Variants in OVOL3 observed in about 807,000 individuals in gnomAD.
OVOL3 encodes the protein putative transcription factor ovo-like protein 3.
In OVOL3, 15 loss-of-function variants were observed where a neutral mutation model predicts 13.6. The ratio of observed to expected loss-of-function variants is 1.11; its 90% CI spans 0.74 to 1.70. The LOEUF (loss-of-function observed/expected upper bound fraction) is 1.70. OVOL3 is among the 40% of genes most tolerant of loss of function. OVOL3 has a pLI of 0.00. For missense variants in OVOL3, 290 were observed against 280.6 expected (o/e 1.03, Z -0.24); for synonymous variants, 102 against 108.5 (o/e 0.94, Z 0.37).
At chr19:36,113,317 G>A in intron 3 of OVOL3, 136 bp from the exon 4 acceptor site, 1 of 912,180 alleles carries the variant, frequency 1.1e-6, no homozygotes, top group Non-Finnish European at 1.7e-6. Context: ...CAGATGGTGG[G>A]TCATGGGCGG....
At chr19:36,112,146 C>A (rs1973836326) in intron 2 of OVOL3, among the ~76,000 whole-genome samples, 2 of 152,012 alleles carry the variant, frequency 1.3e-5, no homozygotes, top group Non-Finnish European at 2.9e-5. Flanking sequence ...GCAGAGGATG[C>A]AGTGAGCCGA....
chr19:36,113,517 TC>T lies in OVOL3; in HGVS notation c.430del (p.His144ThrfsTer?). 1 of 1,536,160 alleles carries T rather than the reference TC, an allele frequency of 6.5e-7. No homozygotes were observed. Among genetic ancestry groups the T allele is most frequent in the Non-Finnish European group, 8.7e-7 (1 of 1,146,874 alleles). On this transcript the variant is annotated frameshift_variant, in exon 4 of 4. Coordinates refer to ENST00000633214, the MANE Select transcript of OVOL3 (RefSeq NM_001302757.2). LOFTEE classifies it high-confidence loss of function. Reference sequence around the variant, plus strand: ...TTACGCAGCGCTGCTCCCTGGAAGCTCACCTTGCTAAGGTGCATGGACAGCC... The same window carrying T: ...TTACGCAGCGCTGCTCCCTGGAAGCTACCTTGCTAAGGTGCATGGACAGCC... ...AFTQRCSLEA[H>X]LAKVHGQPAS...
chr19:36,113,378 G>C, intron 3 of OVOL3, 75 bp from the exon 4 acceptor site: 1 of 1,419,992 alleles, frequency 7.0e-7, no homozygotes, highest in Non-Finnish European at 9.6e-7. Flanking sequence ...ACACTGGAAA[G>C]CAGGGTGGGG....
intron 2 of OVOL3, 85 bp downstream of exon 2, chr19:36,111,518 C>A: frequency 7.2e-7 from 1 of 1,379,480 alleles, no homozygotes; most frequent in Non-Finnish European, 1.0e-6. Context: ...CCTTGCTCCC[C>A]CGACCCATCT....
Position 36,112,769 on chromosome 19 carries a change from C to T in OVOL3, c.169C>T (p.Gln57Ter). 1 of 1,533,918 alleles carries T rather than the reference C, an allele frequency of 6.5e-7. No individual in the cohort carries two copies. The highest frequency in any genetic ancestry group is 1.2e-5 in the South Asian group (1 of 83,964). Reference sequence around the variant, plus strand: ...TCCTGCATCCCTCCAGCAGCCCACACAGGGCAACCTGACCTCTGCTCCCAG... The same window carrying T: ...TCCTGCATCCCTCCAGCAGCCCACATAGGGCAACCTGACCTCTGCTCCCAG... ...VRDPWTAQPT[Q>*]GNLTSAPRGP... The change falls in exon 3 of 4, where the codon CAG (glutamine) becomes TAG (stop). Residue 57 changes from glutamine (Q) to a stop codon, truncating the protein, a stop_gained. Transcript: ENST00000633214. LOFTEE classifies it high-confidence loss of function.
At chr19:36,112,318 A>T (rs1460650251) in intron 2 of OVOL3, among the ~76,000 whole-genome samples, 1 of 152,022 alleles carries the variant, frequency 6.6e-6, no homozygotes, top group African/African-American at 2.4e-5. Context: ...TCAGGAATTC[A>T]AGACCAGCCT....
intron 2 of OVOL3, among the ~76,000 whole-genome samples, chr19:36,112,323 C>G (rs1310979942): frequency 6.6e-6 from 1 of 152,116 alleles, no homozygotes; most frequent in Non-Finnish European, 1.5e-5. Flanking sequence ...AATTCAAGAC[C>G]AGCCTGGCCA....
chr19:36,113,187 A>G (rs1004858966), intron 3 of OVOL3, among the ~76,000 whole-genome samples: 9 of 152,140 alleles, frequency 5.9e-5, no homozygotes, highest in Non-Finnish European at 1.2e-4. Flanking sequence ...TATACGATTC[A>G]GGCTCCAGAT....
intron 2 of OVOL3, among the ~76,000 whole-genome samples, 167 bp from the exon 3 acceptor site, chr19:36,112,593 G>A (rs1973849661): frequency 6.6e-6 from 1 of 152,154 alleles, no homozygotes; most frequent in South Asian, 2.1e-4. Context: ...ATGGGATAGT[G>A]AGGGAAGGCC....
rs536753554 is a variant in OVOL3 at position 36,112,241 on chromosome 19, C to T, written c.160-519C>T. On this transcript the variant is annotated intron_variant, in intron 2 of 3. Transcript: ENST00000633214. The stretch of plus-strand genomic sequence containing the variant: ...AAACAATAAAATTAGAAAAATAGAC[C>T]GGGCATAGTGGCTCATGCCTGTAAT... Among the ~76,000 whole-genome samples, 6 of 151,542 alleles carry T rather than the reference C, an allele frequency of 4.0e-5. No individual in the cohort carries two copies. In the South Asian group the frequency reaches 1.3e-3, roughly 32 times the overall value.
At chr19:36,112,571 AAAGT>A (rs1459366318) in intron 2 of OVOL3, among the ~76,000 whole-genome samples, 185 bp from the exon 3 acceptor site, 1 of 152,048 alleles carries the variant, frequency 6.6e-6, no homozygotes, top group Non-Finnish European at 1.5e-5. Flanking sequence ...TGGCATAGAG[AAAGT>A]AAGGACCATG....
In OVOL3 at chr19:36,113,614, C is replaced by G. The variant is rs776916266; in HGVS notation, c.526C>G (p.Arg176Gly). The change falls in exon 4 of 4, where the codon CGG becomes GGG. Residue 176 changes from arginine to glycine, a missense_variant. Arg to Gly is a moderately radical substitution (Grantham distance 125, BLOSUM62 -2). Transcript: ENST00000633214. ...VCEDCGFTSS[R>G]PDTYAQHRAL... ...CGAGGACTGCGGCTTCACCAGCTCC[C>G]GGCCCGACACCTACGCACAGCACCG... 14 of 1,543,192 alleles carry G rather than the reference C, an allele frequency of 9.1e-6. No homozygotes were observed.
intron 3 of OVOL3, among the ~76,000 whole-genome samples, chr19:36,113,181 C>T (rs939276341): frequency 7.2e-5 from 11 of 152,130 alleles, no homozygotes; most frequent in African/African-American, 2.4e-4. Flanking sequence ...GCCGGTTATA[C>T]GATTCAGGCT....
chr19:36,111,280 A>AGATG lies in OVOL3; in HGVS notation c.79_82dup (p.Ala28GlyfsTer51). 6.5e-7 allele frequency: 1 copy of AGATG among 1,535,910 alleles called. No individual in the cohort carries two copies. Among genetic ancestry groups the AGATG allele is most frequent in the Non-Finnish European group, 8.7e-7 (1 of 1,146,814 alleles). On this transcript the variant is annotated frameshift_variant, in exon 1 of 4. Transcript: ENST00000633214. LOFTEE classifies it high-confidence loss of function. ...GCCATCTGCCTGACCAGCTCCGGGG[A>AGATG]GATGCCTATATCCCAGGTGGGCCCC...
chr19:36,111,585 C>T, intron 2 of OVOL3, 152 bp downstream of exon 2: 3 of 796,864 alleles, frequency 3.8e-6, no homozygotes, highest in Non-Finnish European at 6.3e-6. Flanking sequence ...GTTGGGAATG[C>T]CTCTCCTTTC....
rs1973883195 is a variant in OVOL3 at position 36,113,650 on chromosome 19, C to T, written c.562C>T (p.Arg188Cys). The T allele has an allele frequency of 6.5e-7, 1 of 1,548,586 alleles. No homozygotes were observed. Among genetic ancestry groups the T allele is most frequent in the Non-Finnish European group, 8.7e-7 (1 of 1,146,232 alleles). The part of the protein sequence containing the change: ...DTYAQHRALH[R>C]AA ...CTACGCACAGCACCGCGCCCTGCAC[C>T]GCGCAGCCTGATACGGTGTGCCAGC... The change falls in exon 4 of 4, where the codon CGC becomes TGC. Residue 188 changes from arginine (R) to cysteine (C), a missense_variant. Arg to Cys is a radical substitution (Grantham distance 180). Transcript: ENST00000633214.
intron 2 of OVOL3, chr19:36,111,777 T>C (rs1418229021): frequency 1.2e-5 from 6 of 511,120 alleles, no homozygotes; most frequent in Admixed American, 6.8e-5. Flanking sequence ...TGTGCATGCA[T>C]TGGAGGAAGG....
At chr19:36,113,352 G>T (rs1973871419) in intron 3 of OVOL3, 101 bp from the exon 4 acceptor site, 5 of 1,205,674 alleles carry the variant, frequency 4.1e-6, no homozygotes, top group African/African-American at 3.0e-5. Context: ...CTTGGAATAG[G>T]TACCAGAAAT....
chr19:36,113,114 G>C, intron 3 of OVOL3, 150 bp downstream of exon 3: 2 of 925,824 alleles, frequency 2.2e-6, no homozygotes, highest in Non-Finnish European at 1.6e-6. Flanking sequence ...CCCAGTGGGT[G>C]GGTGTAAGGT....
Sources: allele counts gnomAD v4.1 joint callset (sites outside exome capture counted in the v4.1 genomes callset), GRCh38; gene constraint gnomAD v4.1.1; transcripts MANE v1.5; gene names NCBI Gene and HGNC (gene_info 2026-07-23, HGNC 2026-07-21).